USP40: variants seen among roughly 807,000 people sequenced by gnomAD.
USP40 encodes ubiquitin specific peptidase 40, also known as ubiquitin carboxyl-terminal hydrolase 40.
A neutral mutation model predicts 166.2 loss-of-function variants in USP40; 143 were observed. The ratio of observed to expected loss-of-function variants is 0.86; its 90% CI spans 0.75 to 0.99. The LOEUF is 0.99. Among genes scored for constraint, USP40 ranks in the 50% least tolerant of loss-of-function variants. The probability of loss-of-function intolerance (pLI) is 0.00; values close to 1 mark genes in which losing one functional copy is unlikely to be tolerated. For synonymous variants in USP40, 498 were observed against 524.0 expected (o/e 0.95, Z 0.68); for missense variants, 1,444 against 1,479.7 (o/e 0.98, Z 0.40).
chr2:233,562,481 C>T (rs904678223), intron 3 of USP40, among the ~76,000 whole-genome samples: 4 of 150,242 alleles, frequency 2.7e-5, no homozygotes, highest in Non-Finnish European at 4.4e-5. Context: ...AACCAAACAC[C>T]ACATATTCTC....
chr2:233,545,821 T>G (rs971108995), intron 8 of USP40: 2 of 189,424 alleles, frequency 1.1e-5, no homozygotes, highest in African/African-American at 4.7e-5. Context: ...ATTAGAATAT[T>G]TGGGACCCTT....
At chr2:233,481,949 C>T (rs894865570) in intron 30 of USP40, among the ~76,000 whole-genome samples, 4 of 152,210 alleles carry the variant, frequency 2.6e-5, no homozygotes, top group East Asian at 1.9e-4. Flanking sequence ...AAAGACACAG[C>T]GCAGGGTCTG....
At chr2:233,555,149 C>T (rs776754433) in intron 5 of USP40, among the ~76,000 whole-genome samples, 11 of 151,974 alleles carry the variant, frequency 7.2e-5, no homozygotes, top group African/African-American at 2.2e-4. Context: ...GCCGAGATTG[C>T]GCCACTGCAC....
intron 26 of USP40, chr2:233,489,801 T>G: frequency 4.2e-6 from 1 of 236,166 alleles, no homozygotes; most frequent in South Asian, 6.2e-5. Context: ...TCCATGGGAG[T>G]AGAATTCACC....
chr2:233,551,791 C>A (rs1015714650), intron 6 of USP40, among the ~76,000 whole-genome samples: 5 of 152,132 alleles, frequency 3.3e-5, no homozygotes, highest in Non-Finnish European at 5.9e-5. Flanking sequence ...ATGAGTGGTG[C>A]CTATTTCCTG....
intron 26 of USP40, among the ~76,000 whole-genome samples, chr2:233,490,140 T>C (rs2065227187): frequency 1.3e-5 from 2 of 151,684 alleles, no homozygotes; most frequent in South Asian, 4.2e-4. Context: ...AGAATAAGGC[T>C]GTCTGCTTTT....
intron 18 of USP40, among the ~76,000 whole-genome samples, chr2:233,513,667 G>A (rs2066983274): frequency 6.6e-6 from 1 of 152,132 alleles, no homozygotes; most frequent in Non-Finnish European, 1.5e-5. Context: ...AGCAGTACAA[G>A]CAGACTGCCT....
At chr2:233,551,145 T>G (rs2125354253) in intron 7 of USP40, among the ~76,000 whole-genome samples, 1 of 152,274 alleles carries the variant, frequency 6.6e-6, no homozygotes, top group South Asian at 2.1e-4. Context: ...TTGTCACAAC[T>G]GAGAGAGGGG....
intron 8 of USP40, chr2:233,546,202 C>T (rs1251732691): frequency 6.6e-6 from 1 of 152,136 alleles, no homozygotes. Flanking sequence ...GGAAGAGATC[C>T]TGATGCTGCT....
chr2:233,550,013 A>G (rs1229695708), intron 7 of USP40, among the ~76,000 whole-genome samples: 1 of 152,164 alleles, frequency 6.6e-6, no homozygotes, highest in Non-Finnish European at 1.5e-5. Flanking sequence ...AGAAAAAAGA[A>G]GCCTTTTTCA....
At position 233,529,471 on chromosome 2, in the gene USP40, T is replaced by G; in HGVS notation, c.1513A>C (p.Asn505His). 1 of 1,584,918 alleles carries G rather than the reference T, an allele frequency of 6.3e-7. No homozygotes were observed. The highest frequency in any genetic ancestry group is 1.3e-5 in the African/African-American group (1 of 74,764). Reference protein sequence around the residue: ...PRYGVPCHLLNEMDAANIELQ... With the variant: ...PRYGVPCHLLHEMDAANIELQ... ...TCAATGTTAGCTGCATCCATTTCAT[T>G]CAGTAAATGACATGGAACCCCATAT... Residue 505 changes from asparagine (N) to histidine (H), a missense_variant, in exon 12 of 32, where the codon AAT (asparagine) becomes CAT (histidine). Physicochemically the swap from Asn to His is moderately conservative, Grantham distance 68. Coordinates refer to ENST00000678225, the MANE Select transcript of USP40 (RefSeq NM_001365479.2).
intron 19 of USP40, 51 bp downstream of exon 19, chr2:233,512,518 G>T: frequency 7.5e-7 from 1 of 1,337,536 alleles, no homozygotes; most frequent in South Asian, 1.5e-5. Flanking sequence ...TATTTATCAA[G>T]AAAGACAGAC....
intron 13 of USP40, 97 bp downstream of exon 13, chr2:233,527,310 T>C (rs909522379): frequency 3.6e-6 from 5 of 1,370,836 alleles, no homozygotes; most frequent in African/African-American, 1.5e-5. Flanking sequence ...CTAAGCAGCT[T>C]TGAAAAATAA....
chr2:233,565,499 C>G lies in USP40; in HGVS notation c.56G>C (p.Gly19Ala). 6.5e-7 allele frequency: 1 copy of G among 1,537,244 alleles called. No homozygotes were observed. Among genetic ancestry groups the G allele is most frequent in the Non-Finnish European group, 8.7e-7 (1 of 1,146,850 alleles). ...EYSTVSNNQY[G>A]KGKKLKTKAL... Reference sequence around the variant, plus strand: ...TTTAGTCTTTAATTTCTTCCCTTTTCCATACTGATTATTAGACACAGTGGA... The same window carrying G: ...TTTAGTCTTTAATTTCTTCCCTTTTGCATACTGATTATTAGACACAGTGGA... The change falls in exon 2 of 32, where the codon GGA (glycine) becomes GCA (alanine). Residue 19 changes from glycine to alanine, a missense_variant. Gly to Ala is a moderately conservative substitution (Grantham distance 60). Transcript: ENST00000678225.
intron 8 of USP40, among the ~76,000 whole-genome samples, chr2:233,544,802 G>A (rs1002386887): frequency 6.6e-6 from 1 of 151,984 alleles, no homozygotes; most frequent in African/African-American, 2.4e-5. Context: ...TACAATAAAG[G>A]ACAATGAGGA....
At chr2:233,552,146 C>CAT (rs959925346) in intron 6 of USP40, among the ~76,000 whole-genome samples, 1 of 145,998 alleles carries the variant, frequency 6.8e-6, no homozygotes, top group African/African-American at 2.5e-5. Flanking sequence ...TACCCATAAT[C>CAT]ATATATATCT....
At chr2:233,506,344 T>A (rs2066416019) in intron 21 of USP40, among the ~76,000 whole-genome samples, 1 of 152,026 alleles carries the variant, frequency 6.6e-6, no homozygotes, top group African/African-American at 2.4e-5. Flanking sequence ...AATACAAAAA[T>A]CAACTCAAAA....
In USP40 at chr2:233,527,439, T is replaced by A. The variant is rs377440642; in HGVS notation, c.1693A>T (p.Thr565Ser). 3 of 1,613,262 alleles carry A rather than the reference T, an allele frequency of 1.9e-6. No homozygotes were observed. The highest frequency in any genetic ancestry group is 2.5e-6 in the Non-Finnish European group (3 of 1,179,768). The change falls in exon 13 of 32, where the codon ACT (threonine) becomes TCT (serine). Residue 565 changes from threonine (T) to serine (S), a missense_variant. Thr to Ser is a moderately conservative substitution (Grantham distance 58). Coordinates refer to ENST00000678225, the MANE Select transcript of USP40 (RefSeq NM_001365479.2). ...ATTGACTGCCGGAGATCTCCTAAAG[T>A]TTTTCTTTTATCAAAGGTCAAATCC... ...VWDLTFDKRK[T>S]LGDLRQSIFQ...
chr2:233,531,988 C>T (rs780400989), intron 11 of USP40, among the ~76,000 whole-genome samples: 6 of 152,174 alleles, frequency 3.9e-5, no homozygotes, highest in South Asian at 2.1e-4. Context: ...CCTAACTTTC[C>T]ATTCCTAAGT....
Sources: gnomAD v4.1 joint callset for allele counts (sites outside exome capture counted in the v4.1 genomes callset) on GRCh38, gnomAD v4.1.1 for gene constraint, MANE v1.5 for transcripts, NCBI Gene and HGNC (gene_info 2026-07-23, HGNC 2026-07-21) for gene names.